The following ELMO1 variants were observed in gnomAD, a reference collection of about 807,000 sequenced individuals.
The protein encoded by ELMO1 is engulfment and cell motility protein 1.
In ELMO1, 26 loss-of-function variants were observed where a neutral mutation model predicts 98.9. The ratio of observed to expected loss-of-function variants is 0.26; its 90% CI spans 0.19 to 0.36. The LOEUF is 0.36. ELMO1 is among the 10% of genes least tolerant of loss of function. ELMO1 has a pLI of 1.00. For synonymous variants in ELMO1, 346 were observed against 346.0 expected (o/e 1.00, Z 0.00); for missense variants, 627 against 935.2 (o/e 0.67, Z 4.30).
intron 4 of ELMO1, among the ~76,000 whole-genome samples, chr7:37,305,357 G>A (rs1174867513): frequency 6.6e-6 from 1 of 152,076 alleles, no homozygotes. Flanking sequence ...ATGGTTATTT[G>A]TATATTATAA....
chr7:36,952,964 CTTTTTTTTTT>C lies in ELMO1; in HGVS notation c.1438-57957_1438-57948del, dbSNP rs70980904. Among the ~76,000 whole-genome samples the C allele has an allele frequency of 8.9e-3, 741 of 82,930 alleles. 7 individuals are homozygous for C. The highest frequency in any genetic ancestry group is 0.031 in the African/African-American group (687 of 21,814). 54.4% of individuals were successfully genotyped at this position (82,930 alleles called of 152,430 possible). On this transcript the variant is annotated intron_variant, in intron 16 of 21. Transcript: ENST00000310758. ...GTGCCAAATAATGGAAGTCACTACTCTTTTTTTTTTTTTTTTTTTTTTTTTGAGATGGAGT... is the reference window on the plus strand; with the variant it reads ...GTGCCAAATAATGGAAGTCACTACTCTTTTTTTTTTTTTTTGAGATGGAGT...
intron 15 of ELMO1, among the ~76,000 whole-genome samples, chr7:37,082,727 A>T (rs942279746): frequency 4.6e-5 from 7 of 151,768 alleles, no homozygotes; most frequent in African/African-American, 1.7e-4. Context: ...TCTCAAACAA[A>T]CAAACAAACA....
At chr7:37,051,625 G>A (rs567716780) in intron 15 of ELMO1, among the ~76,000 whole-genome samples, 1 of 151,262 alleles carries the variant, frequency 6.6e-6, no homozygotes, top group South Asian at 2.1e-4. Context: ...CATGAACTGT[G>A]GAAAGCATTT....
intron 15 of ELMO1, among the ~76,000 whole-genome samples, chr7:37,040,218 T>A (rs1345550429): frequency 6.6e-6 from 1 of 152,176 alleles, no homozygotes; most frequent in Non-Finnish European, 1.5e-5. Context: ...GTGTTCAACT[T>A]AGACACCTAC....
intron 15 of ELMO1, among the ~76,000 whole-genome samples, chr7:37,056,856 G>A (rs1215817445): frequency 6.6e-6 from 1 of 152,174 alleles, no homozygotes; most frequent in Non-Finnish European, 1.5e-5. Context: ...TCCACTTTCA[G>A]CTGGGGCATC....
chr7:37,278,382 G>A (rs964039519), intron 4 of ELMO1, among the ~76,000 whole-genome samples: 7 of 152,040 alleles, frequency 4.6e-5, no homozygotes, highest in African/African-American at 1.7e-4. Context: ...AGTGGCTTAT[G>A]CCTGTGGTCC....
chr7:37,123,333 T>C (rs907613248), intron 14 of ELMO1, among the ~76,000 whole-genome samples: 1 of 151,976 alleles, frequency 6.6e-6, no homozygotes, highest in African/African-American at 2.4e-5. Flanking sequence ...TTCAAAAAAA[T>C]CAATGAATCC....
intron 10 of ELMO1, among the ~76,000 whole-genome samples, chr7:37,219,826 T>C (rs1793495332): frequency 6.6e-6 from 1 of 152,226 alleles, no homozygotes. Flanking sequence ...TAAAATGAAA[T>C]AATGTAATAT....
intron 8 of ELMO1, among the ~76,000 whole-genome samples, chr7:37,226,877 G>C (rs547447563): frequency 1.3e-5 from 2 of 152,204 alleles, no homozygotes; most frequent in African/African-American, 4.8e-5. Flanking sequence ...CTGTCCCACA[G>C]AGCTGGAAAT....
chr7:37,373,602 C>A (rs570816681), intron 1 of ELMO1, among the ~76,000 whole-genome samples: 111 of 146,792 alleles, frequency 7.6e-4, no homozygotes, highest in African/African-American at 2.8e-3. Context: ...GAGCAAGACT[C>A]CATCTCAAAA....
At chr7:37,008,672 T>C (rs75588305) in intron 16 of ELMO1, among the ~76,000 whole-genome samples, 3,511 of 152,284 alleles carry the variant, frequency 0.023, 142 homozygotes, top group African/African-American at 0.081. Context: ...GACAGGGTGA[T>C]GTATCCTTTT....
At chr7:37,417,579 G>T (rs539816796) in intron 1 of ELMO1, among the ~76,000 whole-genome samples, 22 of 152,014 alleles carry the variant, frequency 1.4e-4, no homozygotes, top group African/African-American at 4.8e-4. Context: ...CAGGAGAATG[G>T]CATGAACCCA....
chr7:37,183,835 C>G (rs1043246925), intron 13 of ELMO1, among the ~76,000 whole-genome samples: 1 of 152,136 alleles, frequency 6.6e-6, no homozygotes, highest in Non-Finnish European at 1.5e-5. Context: ...GGCAAAATAC[C>G]TTATCTTTAC....
chr7:37,290,954 G>A (rs1473794705), intron 4 of ELMO1, among the ~76,000 whole-genome samples: 1 of 152,036 alleles, frequency 6.6e-6, no homozygotes, highest in Admixed American at 6.6e-5. Flanking sequence ...GAAAGAGGAA[G>A]AAAAAGGCAC....
intron 16 of ELMO1, among the ~76,000 whole-genome samples, chr7:36,923,285 G>A (rs558691559): frequency 2.6e-5 from 4 of 152,228 alleles, no homozygotes; most frequent in African/African-American, 7.2e-5. Flanking sequence ...ATAACAATGA[G>A]TGAAATTTAT....
chr7:36,995,042 C>T (rs1449617503), intron 16 of ELMO1, among the ~76,000 whole-genome samples: 4 of 152,118 alleles, frequency 2.6e-5, no homozygotes, highest in Non-Finnish European at 5.9e-5. Flanking sequence ...TCCACACCCA[C>T]AAAATTTAAA....
Position 37,401,281 on chromosome 7 carries a change from G to C in ELMO1, c.-74+47394C>G, listed in dbSNP as rs73693563. Among the ~76,000 whole-genome samples, 999 of 152,260 alleles carry C rather than the reference G, an allele frequency of 6.6e-3. 6 individuals carry two copies. The highest frequency in any genetic ancestry group is 0.023 in the African/African-American group (945 of 41,554). ...CACAGATAAAATAAGGACATTGAAGGGATGGGTTCAGGACCTACCACCCCA... is the reference window on the plus strand; with the variant it reads ...CACAGATAAAATAAGGACATTGAAGCGATGGGTTCAGGACCTACCACCCCA... On this transcript the variant is annotated intron_variant, in intron 1 of 21. Transcript: ENST00000310758.
chr7:37,049,020 C>G (rs1031615784), intron 15 of ELMO1, among the ~76,000 whole-genome samples: 1 of 152,074 alleles, frequency 6.6e-6, no homozygotes, highest in Non-Finnish European at 1.5e-5. Flanking sequence ...CCCTTGCTTT[C>G]TTTTTGATTC....
At chr7:36,918,077 T>C (rs571496000) in intron 16 of ELMO1, among the ~76,000 whole-genome samples, 4 of 152,306 alleles carry the variant, frequency 2.6e-5, no homozygotes, top group African/African-American at 9.6e-5. Context: ...TCTAGCATAT[T>C]AGGTGGTTCT....
Sources: allele counts gnomAD v4.1 joint callset (sites outside exome capture counted in the v4.1 genomes callset), GRCh38; gene constraint gnomAD v4.1.1; transcripts MANE v1.5; gene names NCBI Gene and HGNC (gene_info 2026-07-23, HGNC 2026-07-21).